Variants in PITPNB observed in about 807,000 individuals in gnomAD.
PITPNB encodes the protein phosphatidylinositol transfer protein beta.
Under a neutral mutation model 45.9 loss-of-function variants are expected in PITPNB, and 16 were observed. The ratio of observed to expected loss-of-function variants is 0.35; its 90% confidence interval spans 0.24 to 0.53. The LOEUF (loss-of-function observed/expected upper bound fraction) is 0.53. Ranked by LOEUF, PITPNB falls within the 20% of genes least tolerant of loss-of-function variation. The probability of loss-of-function intolerance (pLI) is 0.93; values close to 1 mark genes in which losing one functional copy is unlikely to be tolerated. For missense variants in PITPNB, 188 were observed against 330.5 expected (o/e 0.57, Z 3.34); for synonymous variants, 112 against 108.9 (o/e 1.03, Z -0.18).
chr22:27,857,019 T>A (rs1273817891), intron 10 of PITPNB, among the ~76,000 whole-genome samples: 3 of 152,140 alleles, frequency 2.0e-5, no homozygotes, highest in South Asian at 2.1e-4. Context: ...TCTTGCCTAT[T>A]TAAGTGTTTT....
intron 1 of PITPNB, among the ~76,000 whole-genome samples, chr22:27,918,133 C>G (rs1936139443): frequency 6.6e-6 from 1 of 152,146 alleles, no homozygotes. Context: ...AGCCTTGTAG[C>G]TGTTGCAGAG....
intron 8 of PITPNB, among the ~76,000 whole-genome samples, chr22:27,871,827 G>C (rs1934668961): frequency 6.6e-6 from 1 of 152,138 alleles, no homozygotes; most frequent in Non-Finnish European, 1.5e-5. Flanking sequence ...ACAGGTGTTT[G>C]CATCATGACT....
chr22:27,861,142 C>A (rs1934319243), intron 8 of PITPNB, among the ~76,000 whole-genome samples: 2 of 151,606 alleles, frequency 1.3e-5, no homozygotes, highest in African/African-American at 4.9e-5. Flanking sequence ...ACCAGCCTGG[C>A]CAACATGGTG....
At chr22:27,908,601 T>G (rs16985705) in intron 3 of PITPNB, among the ~76,000 whole-genome samples, 5,514 of 152,114 alleles carry the variant, frequency 0.036, 149 homozygotes, top group African/African-American at 0.069. Context: ...TCCAGTGTCT[T>G]TAAGAGGAAC....
Position 27,894,932 on chromosome 22 carries a change from G to A in PITPNB, c.373-294C>T, listed in dbSNP as rs190033932. On this transcript the variant is annotated intron_variant, in intron 6 of 11. Transcript: ENST00000335272. ...AGATGATTTATGTAACTAAATATACGAGACCTATGCTTAATCCAAATGATA... is the reference window on the plus strand; with the variant it reads ...AGATGATTTATGTAACTAAATATACAAGACCTATGCTTAATCCAAATGATA... Among the ~76,000 whole-genome samples the A allele has an allele frequency of 4.9e-4, 74 of 152,214 alleles. 1 individual carries two copies. The highest frequency in any genetic ancestry group is 4.2e-3 in the Admixed American group (64 of 15,288).
chr22:27,910,874 G>A (rs1935900297), intron 3 of PITPNB, 90 bp downstream of exon 3: 1 of 834,204 alleles, frequency 1.2e-6, no homozygotes, highest in African/African-American at 1.7e-5. Flanking sequence ...AATTAAAAAT[G>A]TACTTCACAT....
intron 8 of PITPNB, among the ~76,000 whole-genome samples, chr22:27,861,564 A>C (rs574230910): frequency 6.6e-6 from 1 of 152,310 alleles, no homozygotes; most frequent in East Asian, 1.9e-4. Context: ...GACCCAGAAA[A>C]GCCTGGAACA....
rs996616727 is a variant in PITPNB, at chr22:27,877,976, G to T, written c.457-4161C>A. 3.3e-5 allele frequency among the ~76,000 whole-genome samples: 5 copies of T among 152,160 alleles called. No homozygotes were observed. In the South Asian group the frequency reaches 6.2e-4, roughly 19 times the overall value. ...CTATTTTCTATCCTGTGGAGAGGGG[G>T]TGTTTTACTGGGCAAACATAAAAGC... On this transcript the variant is annotated intron_variant, in intron 7 of 11. Transcript: ENST00000335272.
At position 27,879,191 on chromosome 22, in the gene PITPNB, C is replaced by A. The variant is rs552898324; in HGVS notation, c.457-5376G>T. Reference sequence around the variant, plus strand: ...TTCTTTCTGATCTTATCCTTATCCCCAACACTGTCATGTTTATGGAGGCAG... The same window carrying A: ...TTCTTTCTGATCTTATCCTTATCCCAAACACTGTCATGTTTATGGAGGCAG... On this transcript the variant is annotated intron_variant, in intron 7 of 11. Transcript: ENST00000335272. 2.6e-5 allele frequency among the ~76,000 whole-genome samples: 4 copies of A among 152,262 alleles called. No individual in the cohort carries two copies. The East Asian group carries it at 7.7e-4, about 29-fold the overall frequency.
intron 7 of PITPNB, among the ~76,000 whole-genome samples, chr22:27,893,842 T>C (rs1935360854): frequency 6.6e-6 from 1 of 152,112 alleles, no homozygotes; most frequent in Admixed American, 6.5e-5. Context: ...CCTCCCTCCT[T>C]GGCCTTCCAA....
chr22:27,896,115 C>T (rs528487750), intron 6 of PITPNB, among the ~76,000 whole-genome samples: 17 of 152,204 alleles, frequency 1.1e-4, no homozygotes, highest in Non-Finnish European at 2.2e-4. Flanking sequence ...GTACTTTATC[C>T]CTCCTGCCTT....
intron 1 of PITPNB, among the ~76,000 whole-genome samples, chr22:27,914,927 G>A (rs1936034178): frequency 6.6e-6 from 1 of 152,044 alleles, no homozygotes; most frequent in Admixed American, 6.6e-5. Context: ...ATCCCTTCCA[G>A]CATATATACA....
At chr22:27,868,899 C>T (rs1934561854) in intron 8 of PITPNB, among the ~76,000 whole-genome samples, 1 of 152,064 alleles carries the variant, frequency 6.6e-6, no homozygotes, top group African/African-American at 2.4e-5. Context: ...TATTTGTAGA[C>T]ACAGAAGCTT....
At chr22:27,913,295 ATTTC>A (rs1935987035) in intron 2 of PITPNB, among the ~76,000 whole-genome samples, 1 of 152,054 alleles carries the variant, frequency 6.6e-6, no homozygotes, top group African/African-American at 2.4e-5. Context: ...CACTTCCTGC[ATTTC>A]TTTCTGTCTT....
intron 8 of PITPNB, among the ~76,000 whole-genome samples, chr22:27,862,309 T>C (rs1934362520): frequency 1.3e-5 from 2 of 152,212 alleles, no homozygotes; most frequent in Admixed American, 6.5e-5. Context: ...CCCCATTATC[T>C]ACCATGGCCC....
At chr22:27,858,910 G>C (rs1358289726) in intron 9 of PITPNB, among the ~76,000 whole-genome samples, 1 of 151,988 alleles carries the variant, frequency 6.6e-6, no homozygotes, top group Non-Finnish European at 1.5e-5. Flanking sequence ...TTCACTATGA[G>C]GTGGAATACA....
chr22:27,906,123 G>A (rs1810874591), intron 3 of PITPNB, among the ~76,000 whole-genome samples: 1 of 152,166 alleles, frequency 6.6e-6, no homozygotes, highest in South Asian at 2.1e-4. Flanking sequence ...AATCAGCCAT[G>A]GAATGCCTCT....
At chr22:27,873,450 A>G (rs1439965139) in intron 8 of PITPNB, among the ~76,000 whole-genome samples, 1 of 152,230 alleles carries the variant, frequency 6.6e-6, no homozygotes, top group Non-Finnish European at 1.5e-5. Flanking sequence ...ATACTGCTTC[A>G]GGTCTCAAAA....
chr22:27,915,300 T>C (rs1601434593), intron 1 of PITPNB, among the ~76,000 whole-genome samples: 1 of 152,150 alleles, frequency 6.6e-6, no homozygotes, highest in Admixed American at 6.5e-5. Context: ...CTCATTCCAA[T>C]TTCTTTTCAG....
Sources: allele counts gnomAD v4.1 joint callset (sites outside exome capture counted in the v4.1 genomes callset), GRCh38; gene constraint gnomAD v4.1.1; transcripts MANE v1.5; gene names NCBI Gene and HGNC (gene_info 2026-07-23, HGNC 2026-07-21).